Variants in GSDMC observed in about 807,000 individuals in gnomAD.
GSDMC encodes the protein gasdermin C.
Under a neutral mutation model 58.0 loss-of-function variants are expected in GSDMC, and 59 were observed. The observed-to-expected ratio is 1.02, with a 90% CI of 0.82 to 1.26. The LOEUF is 1.26. Ranked by LOEUF, GSDMC falls within the 50% of genes most tolerant of loss-of-function variation. The probability of loss-of-function intolerance (pLI) is 0.00; values close to 1 mark genes in which losing one functional copy is unlikely to be tolerated. For missense variants in GSDMC, 659 were observed against 598.5 expected, an observed-to-expected ratio of 1.10 and a Z score of -1.06; for synonymous variants, 241 against 220.2, an observed-to-expected ratio of 1.09 and a Z score of -0.83.
chr8:129,761,846 T>C (rs1012887733), intron 5 of GSDMC, among the ~76,000 whole-genome samples: 2 of 152,158 alleles, frequency 1.3e-5, no homozygotes, highest in Non-Finnish European at 2.9e-5. Context: ...CTATGGCCAC[T>C]GATGGGAGGT....
At position 129,748,710 on chromosome 8, in the gene GSDMC, A is replaced by G. The variant is rs1280516391; in HGVS notation, c.1318T>C (p.Tyr440His). 9 of 1,545,744 alleles carry G rather than the reference A, an allele frequency of 5.8e-6. No homozygotes were observed. Among genetic ancestry groups the G allele is most frequent in the African/African-American group, 1.4e-5 (1 of 71,368 alleles). The change falls in exon 14 of 14, where the codon TAC becomes CAC. Residue 440 changes from tyrosine (Y) to histidine (H), a missense_variant. By Grantham distance (83) the Tyr-to-His change is moderately conservative. Coordinates refer to ENST00000276708, the MANE Select transcript of GSDMC (RefSeq NM_031415.3). ...VRSILEPNFR[Y>H]PWSIPFTLKP... is the part of the protein sequence containing the mutation. ...AGGGTGAAGGGAATGCTCCAGGGGT[A>G]TCTGAAGTTTGGCTCCAGGATGCTC...
chr8:129,729,092 A>G, the GSDMC span: 1 of 637,448 alleles, frequency 1.6e-6, no homozygotes, highest in South Asian at 1.5e-5. Context: ...ATCAGAAGAA[A>G]CAGATGAAAA....
At chr8:129,750,142 T>G in intron 11 of GSDMC, 23 bp from the exon 12 acceptor site, 1 of 1,497,838 alleles carries the variant, frequency 6.7e-7, no homozygotes. Context: ...GGTATTATTG[T>G]TAATAATAAT....
At position 129,786,269 on chromosome 8, in the gene GSDMC, T is replaced by G. The variant is rs977539033; in HGVS notation, c.-263A>C. 2 of 151,664 alleles carry G rather than the reference T, an allele frequency of 1.3e-5. No individual in the cohort carries two copies. The highest frequency in any genetic ancestry group is 4.9e-5 in the African/African-American group (2 of 41,202). The allele number at this position is 151,664 out of a possible 1,614,324, so 9.4% of individuals were successfully genotyped here. A position where few individuals can be genotyped will look rare whatever the true frequency, so the allele number is the denominator to read the frequency against. On this transcript the variant is annotated 5_prime_UTR_variant, in exon 1 of 14. Coordinates refer to ENST00000276708, the MANE Select transcript of GSDMC (RefSeq NM_031415.3). ...ACTGCTTGAACCCGGGAGGCAGAGG[T>G]TGCAGTGAGCTGAGACCATGCCGCT...
chr8:129,728,921 G>A, the GSDMC span: 17 of 664,302 alleles, frequency 2.6e-5, no homozygotes, highest in South Asian at 2.2e-4. Flanking sequence ...CCCATTTGAA[G>A]GTCAGGAGGC....
At chr8:129,719,083 G>A in the GSDMC span, among the ~76,000 whole-genome samples, 8 of 152,270 alleles carry the variant, frequency 5.3e-5, no homozygotes, top group Middle Eastern at 6.8e-3. Context: ...ACCTAATGTA[G>A]ATGACGAGTT....
At chr8:129,761,031 T>C (rs1479231088) in intron 5 of GSDMC, among the ~76,000 whole-genome samples, 1 of 152,022 alleles carries the variant, frequency 6.6e-6, no homozygotes, top group Non-Finnish European at 1.5e-5. Context: ...CAAAAAGTTG[T>C]ATAAGGGTTG....
At chr8:129,762,044 C>T (rs1446179426) in intron 5 of GSDMC, among the ~76,000 whole-genome samples, 1 of 152,220 alleles carries the variant, frequency 6.6e-6, no homozygotes, top group Non-Finnish European at 1.5e-5. Flanking sequence ...CCAGCACTCA[C>T]TGTCACACCT....
Position 129,751,632 on chromosome 8 carries a change from T to C in GSDMC, c.917-64A>G. ...CCCCCAAATTTGCTTTTCAGATGTTTTGGAGGGTTCTGCTCTCCTACCACC... is the reference window on the plus strand; with the variant it reads ...CCCCCAAATTTGCTTTTCAGATGTTCTGGAGGGTTCTGCTCTCCTACCACC... On this transcript the variant is annotated intron_variant, in intron 9 of 13. Transcript: ENST00000276708. 4 of 1,504,162 alleles carry C rather than the reference T, an allele frequency of 2.7e-6. No homozygotes were observed. In the South Asian group the frequency reaches 4.6e-5, roughly 17 times the overall value. 93.2% of individuals were successfully genotyped at this position (1,504,162 alleles called of 1,614,324 possible).
In GSDMC at chr8:129,750,112, A is replaced by G. The variant is rs770829453; in HGVS notation, c.1091T>C (p.Leu364Ser). ...ALQDLMNMLE[L>S]DSSGHLDGPG... is the part of the protein sequence containing the mutation. ...GCCATCCAAATGACCTGAGCTGTCC[A>G]ATTCCAGCTATAGAAGACAGGTATT... The change falls in exon 12 of 14, where the codon TTG (leucine) becomes TCG (serine). Residue 364 changes from leucine (L) to serine (S), a missense_variant. By Grantham distance (145) the Leu-to-Ser change is moderately radical (BLOSUM62 -2). Transcript: ENST00000276708. The G allele has an allele frequency of 4.5e-6, 7 of 1,567,344 alleles. No individual in the cohort carries two copies. The highest frequency in any genetic ancestry group is 3.4e-6 in the Non-Finnish European group (4 of 1,162,756).
At chr8:129,743,585 T>TA (rs1384104581), downstream of GSDMC, among the ~76,000 whole-genome samples, 1 of 152,210 alleles carries the variant, frequency 6.6e-6, no homozygotes, top group East Asian at 1.9e-4. Context: ...ATTGATATGT[T>TA]ATAGATCACA....
chr8:129,784,856 A>T (rs1156401854), intron 1 of GSDMC, among the ~76,000 whole-genome samples: 1 of 152,234 alleles, frequency 6.6e-6, no homozygotes, highest in Non-Finnish European at 1.5e-5. Context: ...GTGTCCATCA[A>T]CAAATGAACA....
chr8:129,729,596 TG>T, the GSDMC span, among the ~76,000 whole-genome samples: 1 of 152,218 alleles, frequency 6.6e-6, no homozygotes. Context: ...TTGCTGAGAA[TG>T]ATGGTTTCCA....
intron 3 of GSDMC, 112 bp downstream of exon 3, chr8:129,775,990 A>T: frequency 1.2e-6 from 1 of 821,126 alleles, no homozygotes; most frequent in Non-Finnish European, 1.9e-6. Context: ...CTGGGCTGTC[A>T]TCATCTTGAT....
chr8:129,765,542 C>A (rs2033824330), intron 4 of GSDMC, 86 bp downstream of exon 4: 1 of 933,168 alleles, frequency 1.1e-6, no homozygotes, highest in Non-Finnish European at 1.8e-6. Flanking sequence ...GAAATAGAGT[C>A]CAGAGCCCCC....
chr8:129,713,033 T>C, the GSDMC span, among the ~76,000 whole-genome samples: 1 of 152,244 alleles, frequency 6.6e-6, no homozygotes, highest in Non-Finnish European at 1.5e-5. Flanking sequence ...TGATCTTTGC[T>C]ATGCCTTTAA....
intron 3 of GSDMC, among the ~76,000 whole-genome samples, chr8:129,774,304 G>A (rs1027162632): frequency 2.6e-5 from 4 of 152,094 alleles, no homozygotes; most frequent in Admixed American, 1.3e-4. Flanking sequence ...GTGAGATAAA[G>A]GATAGTGTCT....
intron 6 of GSDMC, among the ~76,000 whole-genome samples, chr8:129,754,695 C>T (rs2033359264): frequency 2.0e-5 from 3 of 152,048 alleles, no homozygotes; most frequent in Admixed American, 2.0e-4. Context: ...TTTGAAGAAA[C>T]TCAAAGGAAT....
At chr8:129,771,011 AT>A (rs944967917) in intron 3 of GSDMC, among the ~76,000 whole-genome samples, 18 of 150,086 alleles carry the variant, frequency 1.2e-4, no homozygotes, top group Admixed American at 2.7e-4. Flanking sequence ...ACGCAGACAC[AT>A]TTTTTTATAT....
Sources: allele counts gnomAD v4.1 joint callset (sites outside exome capture counted in the v4.1 genomes callset), GRCh38; gene constraint gnomAD v4.1.1; transcripts MANE v1.5; gene names NCBI Gene and HGNC (gene_info 2026-07-23, HGNC 2026-07-21).